Variants in AOPEP observed in about 807,000 individuals in gnomAD.
AOPEP encodes the protein aminopeptidase O.
A neutral mutation model predicts 98.1 loss-of-function variants in AOPEP; 77 were observed. That is an observed-to-expected ratio of 0.78 (90% CI 0.65 to 0.95). AOPEP has a LOEUF of 0.95. Among genes scored for constraint, AOPEP ranks in the 40% least tolerant of loss-of-function variants. The pLI is 0.00. For synonymous variants in AOPEP, 346 were observed against 365.3 expected (o/e 0.95, Z 0.60); for missense variants, 1,024 against 1,024.7 (o/e 1.00, Z 0.01).
chr9:94,835,586 G>C (rs976958042), intron 5 of AOPEP, among the ~76,000 whole-genome samples: 3 of 152,134 alleles, frequency 2.0e-5, no homozygotes, highest in South Asian at 2.1e-4. Flanking sequence ...TTAGTACAAG[G>C]GTGCAAGGCC....
intron 13 of AOPEP, among the ~76,000 whole-genome samples, chr9:95,032,489 T>C (rs1253519727): frequency 6.6e-6 from 1 of 152,266 alleles, no homozygotes; most frequent in Non-Finnish European, 1.5e-5. Context: ...GAGTGAAATG[T>C]GAAAACGTTC....
intron 5 of AOPEP, among the ~76,000 whole-genome samples, chr9:94,852,550 G>T (rs966918521): frequency 3.3e-5 from 5 of 152,368 alleles, no homozygotes; most frequent in African/African-American, 9.6e-5. Context: ...TTTTGGCTGT[G>T]TGTTTACACA....
intron 10 of AOPEP, among the ~76,000 whole-genome samples, chr9:94,976,587 T>G (rs999764344): frequency 1.3e-5 from 2 of 152,112 alleles, no homozygotes; most frequent in African/African-American, 4.8e-5. Context: ...CTTTCCAAAT[T>G]CTGCATCTTC....
intron 1 of AOPEP, among the ~76,000 whole-genome samples, chr9:94,744,772 A>G (rs537430473): frequency 6.6e-6 from 1 of 152,124 alleles, no homozygotes; most frequent in Non-Finnish European, 1.5e-5. Flanking sequence ...TTTAGTTTAA[A>G]TTATATCTAA....
At chr9:94,904,733 T>A (rs2050896776) in intron 5 of AOPEP, 1 of 152,256 alleles carries the variant, frequency 6.6e-6, no homozygotes, top group Non-Finnish European at 1.5e-5. Flanking sequence ...ATAGGTATCT[T>A]TGTAGAATTT....
chr9:94,784,689 C>T (rs1844017812), intron 3 of AOPEP, among the ~76,000 whole-genome samples: 1 of 152,094 alleles, frequency 6.6e-6, no homozygotes, highest in Admixed American at 6.5e-5. Flanking sequence ...AATCTTGGCC[C>T]ACTGCAACCT....
At chr9:95,033,327 C>T (rs991732761) in intron 13 of AOPEP, among the ~76,000 whole-genome samples, 1 of 152,170 alleles carries the variant, frequency 6.6e-6, no homozygotes, top group Non-Finnish European at 1.5e-5. Context: ...CCATGCTCCT[C>T]TCTTACCCCC....
At chr9:94,842,091 G>C (rs908426334) in intron 5 of AOPEP, among the ~76,000 whole-genome samples, 1 of 152,000 alleles carries the variant, frequency 6.6e-6, no homozygotes. Context: ...GCCAGGTGTG[G>C]TGTCTCACAC....
At chr9:94,792,392 A>G (rs182494350) in intron 3 of AOPEP, among the ~76,000 whole-genome samples, 7 of 152,298 alleles carry the variant, frequency 4.6e-5, no homozygotes, top group African/African-American at 9.6e-5. Context: ...ACAGGTATCA[A>G]TTGAGCATTT....
the AOPEP span, among the ~76,000 whole-genome samples, chr9:95,094,809 G>A: frequency 6.6e-6 from 1 of 152,194 alleles, no homozygotes; most frequent in South Asian, 2.1e-4. Context: ...GGGATTACAG[G>A]TGTGCGCCAC....
rs1476949934 is a variant in AOPEP at position 94,968,628 on chromosome 9, T to G, written c.1916+827T>G. ...CTGACCTCAAGTGATCCACCCGCCT[T>G]GGCCTCCCAAAGTGCTGGGATTGCC... On this transcript the variant is annotated intron_variant, in intron 10 of 16. Coordinates refer to ENST00000375315, the MANE Select transcript of AOPEP (RefSeq NM_001193329.3). Among the ~76,000 whole-genome samples the G allele has an allele frequency of 2.0e-5, 3 of 152,236 alleles. No homozygotes were observed. The East Asian group carries it at 5.8e-4, about 29-fold the overall frequency.
intron 7 of AOPEP, among the ~76,000 whole-genome samples, chr9:94,948,986 C>T (rs1009326292): frequency 6.6e-6 from 1 of 152,214 alleles, no homozygotes; most frequent in Admixed American, 6.5e-5. Context: ...TCCAGCATCC[C>T]GTTCAACTAT....
At chr9:94,821,074 T>G (rs1852990620) in intron 5 of AOPEP, among the ~76,000 whole-genome samples, 1 of 152,258 alleles carries the variant, frequency 6.6e-6, no homozygotes, top group Non-Finnish European at 1.5e-5. Context: ...GAAACTCTGT[T>G]GAAAAAGTAA....
intron 13 of AOPEP, among the ~76,000 whole-genome samples, chr9:95,052,661 A>C (rs945240160): frequency 2.0e-5 from 3 of 152,250 alleles, no homozygotes; most frequent in African/African-American, 7.2e-5. Context: ...TTTGTAATGA[A>C]TAATCCTACA....
the AOPEP span, chr9:95,111,075 A>T: frequency 4.6e-6 from 7 of 1,506,790 alleles, no homozygotes; most frequent in Non-Finnish European, 6.2e-6. Flanking sequence ...GGGGAGCGAG[A>T]CAGGGCCCTG....
the AOPEP span, chr9:95,101,729 T>C: frequency 3.1e-6 from 5 of 1,614,074 alleles, no homozygotes; most frequent in Non-Finnish European, 4.2e-6. Flanking sequence ...TCGCAGCTCT[T>C]TAAGGAGCTC....
chr9:94,775,373 A>ATTT (rs1170011175), intron 3 of AOPEP, among the ~76,000 whole-genome samples: 1 of 140,280 alleles, frequency 7.1e-6, no homozygotes, highest in Non-Finnish European at 1.6e-5. Flanking sequence ...TATTTACTTG[A>ATTT]TTTTTTTTTT....
At chr9:94,856,636 C>A (rs560408662) in intron 5 of AOPEP, among the ~76,000 whole-genome samples, 10 of 111,394 alleles carry the variant, frequency 9.0e-5, no homozygotes, top group Admixed American at 9.5e-5. Flanking sequence ...AGTGAAACTC[C>A]GTCTTAAAAA....
the AOPEP span, among the ~76,000 whole-genome samples, chr9:95,093,485 T>A: frequency 6.6e-6 from 1 of 152,220 alleles, no homozygotes; most frequent in Non-Finnish European, 1.5e-5. Context: ...GGGCAGCGTT[T>A]AACGGCAGCC....
Sources: gnomAD v4.1 joint callset for allele counts (sites outside exome capture counted in the v4.1 genomes callset) on GRCh38, gnomAD v4.1.1 for gene constraint, MANE v1.5 for transcripts, NCBI Gene and HGNC (gene_info 2026-07-23, HGNC 2026-07-21) for gene names.